The following NRG1 variants were observed in gnomAD, a reference collection of about 807,000 sequenced individuals.
NRG1 encodes pro-neuregulin-1, membrane-bound isoform.
NRG1 carries 18 observed loss-of-function variants against 63.8 expected under a neutral mutation model. The ratio of observed to expected loss-of-function variants is 0.28; its 90% CI spans 0.19 to 0.42. The LOEUF (loss-of-function observed/expected upper bound fraction) is 0.42, where lower values mean the gene tolerates loss of function less well. Ranked by LOEUF, NRG1 falls within the 10% of genes least tolerant of loss-of-function variation. NRG1 has a pLI of 1.00. For missense variants in NRG1, 762 were observed against 814.7 expected (o/e 0.94, Z 0.79); for synonymous variants, 302 against 301.3 (o/e 1.00, Z -0.02).
chr8:31,965,547 T>G (rs140000652), intron 1 of NRG1, among the ~76,000 whole-genome samples: 370 of 152,296 alleles, frequency 2.4e-3, no homozygotes, highest in African/African-American at 8.6e-3. Flanking sequence ...ATATGATGAT[T>G]TATTTTCTTT....
intron 1 of NRG1, among the ~76,000 whole-genome samples, chr8:32,201,448 A>C (rs1458315792): frequency 1.3e-5 from 2 of 152,228 alleles, no homozygotes; most frequent in African/African-American, 2.4e-5. Context: ...TTTTCTAAAC[A>C]ATTCCATGGA....
At chr8:32,208,085 T>A (rs1418475417) in intron 1 of NRG1, among the ~76,000 whole-genome samples, 1 of 152,146 alleles carries the variant, frequency 6.6e-6, no homozygotes, top group Non-Finnish European at 1.5e-5. Context: ...CTGTCTAATG[T>A]CTATGTGTTC....
chr8:32,728,642 A>G (rs889234037), intron 6 of NRG1: 1 of 985,090 alleles, frequency 1.0e-6, no homozygotes, highest in Non-Finnish European at 1.2e-6. Context: ...AGTAAATTGC[A>G]TATATTTGGA....
At chr8:31,816,249 G>C (rs1301210474) in intron 1 of NRG1, among the ~76,000 whole-genome samples, 1 of 152,116 alleles carries the variant, frequency 6.6e-6, no homozygotes, top group Non-Finnish European at 1.5e-5. Flanking sequence ...GGGGATGTGT[G>C]TCCCTGTTGT....
chr8:31,814,669 A>T (rs927493007), intron 1 of NRG1, among the ~76,000 whole-genome samples: 2 of 149,500 alleles, frequency 1.3e-5, no homozygotes, highest in Non-Finnish European at 3.0e-5. Context: ...AATATTAAAT[A>T]ATTTAAAATT....
chr8:32,285,047 C>G (rs1853367684), intron 1 of NRG1, among the ~76,000 whole-genome samples: 1 of 152,196 alleles, frequency 6.6e-6, no homozygotes, highest in African/African-American at 2.4e-5. Flanking sequence ...AAAACTGTCT[C>G]TAAGCTTGGT....
chr8:32,361,918 T>C (rs1423619089), intron 1 of NRG1, among the ~76,000 whole-genome samples: 1 of 152,154 alleles, frequency 6.6e-6, no homozygotes, highest in East Asian at 1.9e-4. Context: ...CCATCCCTCA[T>C]GTCACACAGG....
intron 1 of NRG1, among the ~76,000 whole-genome samples, chr8:32,447,661 G>A (rs1456631016): frequency 6.6e-6 from 1 of 152,108 alleles, no homozygotes; most frequent in East Asian, 1.9e-4. Flanking sequence ...TTCAGCCCAA[G>A]AGTTTGAGAC....
At chr8:32,272,737 C>A (rs1851677711) in intron 1 of NRG1, among the ~76,000 whole-genome samples, 1 of 152,078 alleles carries the variant, frequency 6.6e-6, no homozygotes, top group African/African-American at 2.4e-5. Flanking sequence ...GGGGCCTATC[C>A]ATTATTGATC....
At chr8:32,560,452 G>C (rs1285602712) in intron 1 of NRG1, among the ~76,000 whole-genome samples, 1 of 152,172 alleles carries the variant, frequency 6.6e-6, no homozygotes, top group Non-Finnish European at 1.5e-5. Context: ...ATGGTGCTGA[G>C]AACATAGTCT....
At chr8:31,980,990 T>G (rs1032638345) in intron 1 of NRG1, among the ~76,000 whole-genome samples, 1 of 152,070 alleles carries the variant, frequency 6.6e-6, no homozygotes, top group African/African-American at 2.4e-5. Context: ...AAAATATTTC[T>G]TCTACCTATT....
At position 31,807,974 on chromosome 8, in the gene NRG1, T is replaced by C. The variant is rs1048603157; in HGVS notation, c.37+168543T>C. Reference sequence around the variant, plus strand: ...GTGTGTGTGTGTGTGTGTGTGTGTGTGTATCACATTTTCTTTATTCATCTG... The same window carrying C: ...GTGTGTGTGTGTGTGTGTGTGTGTGCGTATCACATTTTCTTTATTCATCTG... On this transcript the variant is annotated intron_variant, in intron 1 of 10. Coordinates refer to the NRG1 transcript ENST00000519301. Among the ~76,000 whole-genome samples the C allele has an allele frequency of 6.6e-5, 10 of 151,668 alleles. No individual in the cohort carries two copies. The East Asian group carries it at 1.9e-3, about 29-fold the overall frequency.
At chr8:32,223,693 G>A (rs1026111828) in intron 1 of NRG1, among the ~76,000 whole-genome samples, 4 of 152,180 alleles carry the variant, frequency 2.6e-5, no homozygotes, top group African/African-American at 7.2e-5. Context: ...AACTGTACGT[G>A]AACATGATGC....
intron 1 of NRG1, among the ~76,000 whole-genome samples, chr8:32,525,617 ACCT>A (rs1211159132): frequency 6.6e-6 from 1 of 151,754 alleles, no homozygotes; most frequent in Admixed American, 6.6e-5. Context: ...CAGAGACTAA[ACCT>A]CCTGTCCCCC....
chr8:32,700,376 A>T (rs1814533443), intron 5 of NRG1, among the ~76,000 whole-genome samples: 1 of 152,216 alleles, frequency 6.6e-6, no homozygotes, highest in African/African-American at 2.4e-5. Context: ...CACAATTGAT[A>T]TAAACAAAAA....
chr8:32,593,854 C>CAAAAAAAAAAAAAAAAAA (rs11444147), intron 1 of NRG1, among the ~76,000 whole-genome samples: 1 of 97,076 alleles, frequency 1.0e-5, no homozygotes, highest in Non-Finnish European at 2.1e-5. Context: ...TTCAAGGTGT[C>CAAAAAAAAAAAAAAAAAA]AAAAAAAAAA....
chr8:32,244,499 A>T (rs1050666528), intron 1 of NRG1, among the ~76,000 whole-genome samples: 1 of 152,162 alleles, frequency 6.6e-6, no homozygotes, highest in African/African-American at 2.4e-5. Flanking sequence ...TATCCAAACT[A>T]TTGCAGTTAA....
intron 1 of NRG1, among the ~76,000 whole-genome samples, chr8:32,350,636 G>C (rs1805484106): frequency 1.3e-5 from 2 of 152,058 alleles, no homozygotes; most frequent in South Asian, 4.2e-4. Context: ...CAGATATAAG[G>C]TGTTTATTCT....
intron 1 of NRG1, among the ~76,000 whole-genome samples, chr8:31,661,950 T>C (rs1806034043): frequency 6.6e-6 from 1 of 152,188 alleles, no homozygotes; most frequent in Non-Finnish European, 1.5e-5. Context: ...TCAGCCAGTC[T>C]CTTAAAGGCC....
Sources: gnomAD v4.1 joint callset for allele counts (sites outside exome capture counted in the v4.1 genomes callset) on GRCh38, gnomAD v4.1.1 for gene constraint, MANE v1.5 for transcripts, NCBI Gene and HGNC (gene_info 2026-07-23, HGNC 2026-07-21) for gene names.